Variants in APBB2 observed in about 807,000 individuals in gnomAD.
APBB2 encodes the protein amyloid beta precursor protein binding family B member 2.
APBB2 carries 38 observed loss-of-function variants against 82.5 expected under a neutral mutation model. The observed-to-expected ratio is 0.46, with a 90% CI of 0.36 to 0.60. The LOEUF is 0.60. Among genes scored for constraint, APBB2 ranks in the 20% least tolerant of loss-of-function variants. The pLI, the probability that APBB2 is intolerant of heterozygous loss-of-function variation, is 0.00. For missense variants in APBB2, 772 were observed against 972.3 expected, an observed-to-expected ratio of 0.79 and a Z score of 2.74; for synonymous variants, 341 against 368.2, an observed-to-expected ratio of 0.93 and a Z score of 0.85.
chr4:40,847,298 C>T (rs143622367), intron 12 of APBB2, among the ~76,000 whole-genome samples: 1 of 152,112 alleles, frequency 6.6e-6, no homozygotes, highest in African/African-American at 2.4e-5. Context: ...CCTGTCTCTA[C>T]TAAAAATACA....
intron 12 of APBB2, among the ~76,000 whole-genome samples, chr4:40,887,773 C>T (rs918971919): frequency 5.9e-5 from 9 of 152,168 alleles, no homozygotes; most frequent in Non-Finnish European, 1.0e-4. Context: ...CATGATCTCG[C>T]TGAGGTCCTG....
intron 16 of APBB2, 162 bp from the exon 17 acceptor site, chr4:40,822,212 C>T: frequency 1.4e-6 from 1 of 731,812 alleles, no homozygotes; most frequent in Non-Finnish European, 2.2e-6. Flanking sequence ...TCTGAAGAGG[C>T]CATCACTGCA....
intron 3 of APBB2, 45 bp from the exon 4 acceptor site, chr4:41,065,718 C>G (rs1343456734): frequency 1.4e-5 from 2 of 140,524 alleles, no homozygotes; most frequent in African/African-American, 5.3e-5. Context: ...AAAACAGAGA[C>G]TTAGGATAAT....
chr4:41,066,183 C>A (rs1428459551), intron 3 of APBB2, among the ~76,000 whole-genome samples: 2 of 108,452 alleles, frequency 1.8e-5, no homozygotes, highest in Admixed American at 8.6e-5. Flanking sequence ...AGAAAATGCA[C>A]ACACGACAAT....
intron 12 of APBB2, among the ~76,000 whole-genome samples, chr4:40,847,191 G>T (rs1311438556): frequency 1.3e-5 from 2 of 152,190 alleles, no homozygotes; most frequent in Admixed American, 6.5e-5. Flanking sequence ...GGTCAGGCAT[G>T]GTGGCTCACA....
chr4:40,899,677 A>G (rs1774712603), intron 10 of APBB2, among the ~76,000 whole-genome samples: 2 of 152,196 alleles, frequency 1.3e-5, no homozygotes, highest in Admixed American at 6.5e-5. Flanking sequence ...GTTCCGCAAG[A>G]TACTATTATT....
chr4:40,821,847 A>G (rs773649342), intron 17 of APBB2, 24 bp downstream of exon 17: 1 of 1,608,832 alleles, frequency 6.2e-7, no homozygotes, highest in South Asian at 1.1e-5. Flanking sequence ...GGAGGGCTCA[A>G]CAGCCTGTAC....
intron 6 of APBB2, among the ~76,000 whole-genome samples, chr4:40,979,568 A>C (rs914280349): frequency 6.6e-6 from 1 of 152,252 alleles, no homozygotes; most frequent in Non-Finnish European, 1.5e-5. Context: ...GGCCTGACCT[A>C]ATCAGGCAAG....
rs776821648 is a variant in APBB2, at chr4:40,821,854, G to A, written c.2112+17C>T. 7 of 1,610,982 alleles carry A rather than the reference G, an allele frequency of 4.3e-6. No individual in the cohort carries two copies. The South Asian group carries it at 7.7e-5, about 18-fold the overall frequency. On this transcript the variant is annotated intron_variant, in intron 17 of 17. Transcript: ENST00000508593. ...CAGAGGCGGGAGGGCTCAACAGCCT[G>A]TACCGGGATAACTCACCATGCAGGC...
At chr4:41,116,950 G>A (rs917361209) in intron 2 of APBB2, among the ~76,000 whole-genome samples, 2 of 151,922 alleles carry the variant, frequency 1.3e-5, no homozygotes, top group African/African-American at 2.4e-5. Flanking sequence ...CACCTCTGTC[G>A]CTTTGTGAGA....
chr4:40,913,432 T>C (rs1327186347), intron 10 of APBB2, among the ~76,000 whole-genome samples: 1 of 152,182 alleles, frequency 6.6e-6, no homozygotes, highest in Non-Finnish European at 1.5e-5. Context: ...TGCACATGAG[T>C]CCACTCGGAA....
chr4:41,014,517 T>C, intron 5 of APBB2, 119 bp from the exon 6 acceptor site: 1 of 945,584 alleles, frequency 1.1e-6, no homozygotes, highest in Non-Finnish European at 1.6e-6. Flanking sequence ...ACATACATTC[T>C]CATAGAATGG....
intron 1 of APBB2, among the ~76,000 whole-genome samples, chr4:41,144,052 G>A (rs1249296304): frequency 6.6e-6 from 1 of 152,224 alleles, no homozygotes; most frequent in African/African-American, 2.4e-5. Context: ...AGCAATTAGT[G>A]AACATTAAGA....
At chr4:40,962,442 G>C (rs77540959) in intron 6 of APBB2, among the ~76,000 whole-genome samples, 1 of 151,978 alleles carries the variant, frequency 6.6e-6, no homozygotes, top group African/African-American at 2.4e-5. Context: ...GTGAATTCTC[G>C]GTTGCAAAAT....
intron 12 of APBB2, among the ~76,000 whole-genome samples, chr4:40,858,454 C>CAAAAAAAAAA (rs34433911): frequency 4.9e-4 from 28 of 57,716 alleles, no homozygotes; most frequent in African/African-American, 1.7e-3. Flanking sequence ...GAGTCCGTCT[C>CAAAAAAAAAA]AAAAAAAAAA....
At chr4:41,182,935 G>T (rs1245082564) in intron 1 of APBB2, among the ~76,000 whole-genome samples, 2 of 152,168 alleles carry the variant, frequency 1.3e-5, no homozygotes, top group Non-Finnish European at 2.9e-5. Flanking sequence ...TTTGGGTGGG[G>T]TCACAAAGCC....
intron 4 of APBB2, among the ~76,000 whole-genome samples, chr4:41,057,174 G>A (rs115449200): frequency 0.015 from 2,343 of 152,258 alleles, 55 homozygotes; most frequent in African/African-American, 0.053. Context: ...ATTCAGGCAG[G>A]GCACGGTGTC....
In APBB2 at chr4:41,130,147, G is replaced by A. The variant is rs547190617; in HGVS notation, c.-261+12840C>T. 4.6e-5 allele frequency among the ~76,000 whole-genome samples: 7 copies of A among 152,336 alleles called. No homozygotes were observed. The South Asian group carries it at 1.4e-3, about 32-fold the overall frequency. On this transcript the variant is annotated intron_variant, in intron 2 of 17. Transcript: ENST00000508593. Reference sequence around the variant, plus strand: ...ACTGTGTTCAAAAGCCAGGGAGGCTGTGATGGGGCCAGCATTCCAACATCA... The same window carrying A: ...ACTGTGTTCAAAAGCCAGGGAGGCTATGATGGGGCCAGCATTCCAACATCA...
intron 10 of APBB2, among the ~76,000 whole-genome samples, chr4:40,929,781 CAG>C (rs577561490): frequency 1.1e-4 from 16 of 152,136 alleles, no homozygotes; most frequent in South Asian, 2.1e-4. Flanking sequence ...CAATAAGTGA[CAG>C]AAGCAATAAA....
Sources: allele counts gnomAD v4.1 joint callset (sites outside exome capture counted in the v4.1 genomes callset), GRCh38; gene constraint gnomAD v4.1.1; transcripts MANE v1.5; gene names NCBI Gene and HGNC (gene_info 2026-07-23, HGNC 2026-07-21).